ASAP1: variants seen among roughly 807,000 people sequenced by gnomAD.
ASAP1 encodes the protein arf-GAP with SH3 domain, ANK repeat and PH domain-containing protein 1.
A neutral mutation model predicts 145.2 loss-of-function variants in ASAP1; 43 were observed. The observed-to-expected ratio is 0.30, with a 90% CI of 0.23 to 0.38. The LOEUF is 0.38. Among genes scored for constraint, ASAP1 ranks in the 10% least tolerant of loss-of-function variants. ASAP1 has a pLI of 1.00. For synonymous variants in ASAP1, 546 were observed against 515.5 expected, an observed-to-expected ratio of 1.06 and a Z score of -0.80; for missense variants, 1,018 against 1,355.3, an observed-to-expected ratio of 0.75 and a Z score of 3.91.
chr8:130,393,020 C>CTTTCT (rs1554902770), intron 2 of ASAP1, among the ~76,000 whole-genome samples: 4 of 133,560 alleles, frequency 3.0e-5, no homozygotes, highest in Non-Finnish European at 5.0e-5. Context: ...AAAAATAAAC[C>CTTTCT]TTTTTTTTAA....
intron 3 of ASAP1, among the ~76,000 whole-genome samples, chr8:130,285,802 C>T (rs1024939375): frequency 6.6e-6 from 1 of 152,194 alleles, no homozygotes; most frequent in African/African-American, 2.4e-5. Flanking sequence ...GGAAAGTTTT[C>T]CGCCTCTGGT....
chr8:130,085,973 G>C (rs1032070574), intron 25 of ASAP1, among the ~76,000 whole-genome samples: 2 of 152,196 alleles, frequency 1.3e-5, no homozygotes, highest in African/African-American at 4.8e-5. Flanking sequence ...AAAAGCCTGG[G>C]GTGGCCCTCC....
chr8:130,114,663 T>A (rs914977873), intron 23 of ASAP1, among the ~76,000 whole-genome samples: 9 of 152,164 alleles, frequency 5.9e-5, no homozygotes, highest in African/African-American at 2.2e-4. Context: ...TTGATCCCCA[T>A]TGAGTATGCA....
At chr8:130,067,554 C>G (rs1235785667) in intron 27 of ASAP1, among the ~76,000 whole-genome samples, 1 of 152,154 alleles carries the variant, frequency 6.6e-6, no homozygotes, top group Non-Finnish European at 1.5e-5. Flanking sequence ...GACCACCACA[C>G]TCTGCTAATT....
intron 1 of ASAP1, among the ~76,000 whole-genome samples, chr8:130,405,074 G>A (rs1053746169): frequency 1.3e-5 from 2 of 151,910 alleles, no homozygotes; most frequent in Non-Finnish European, 2.9e-5. Context: ...CTGAAATCCT[G>A]AGGTTTTTGC....
chr8:130,302,708 TAAAC>T (rs1190329147), intron 3 of ASAP1, among the ~76,000 whole-genome samples: 1 of 152,142 alleles, frequency 6.6e-6, no homozygotes, highest in Non-Finnish European at 1.5e-5. Context: ...TTAGCTTCAT[TAAAC>T]AAACGGTTCT....
At chr8:130,278,905 G>C (rs954408104) in intron 3 of ASAP1, among the ~76,000 whole-genome samples, 16 of 152,158 alleles carry the variant, frequency 1.1e-4, no homozygotes, top group Admixed American at 7.9e-4. Context: ...AGAGTGTTAG[G>C]CATGTTTACA....
chr8:130,353,187 C>T (rs1183223545), intron 3 of ASAP1, among the ~76,000 whole-genome samples: 1 of 152,202 alleles, frequency 6.6e-6, no homozygotes, highest in African/African-American at 2.4e-5. Flanking sequence ...AGACCACTAG[C>T]TTCTCCATAA....
intron 3 of ASAP1, among the ~76,000 whole-genome samples, chr8:130,337,652 G>A (rs922211046): frequency 6.6e-6 from 1 of 152,164 alleles, no homozygotes. Context: ...AAGTACTAAA[G>A]GCTAGCCAAA....
At chr8:130,302,906 T>C (rs1822766297) in intron 3 of ASAP1, among the ~76,000 whole-genome samples, 1 of 152,214 alleles carries the variant, frequency 6.6e-6, no homozygotes, top group Admixed American at 6.5e-5. Flanking sequence ...TGTCTTCTCC[T>C]TCTTTGCTGT....
chr8:130,214,539 C>T lies in ASAP1; in HGVS notation c.405+17G>A, dbSNP rs964662153. 1 of 1,581,204 alleles carries T rather than the reference C, an allele frequency of 6.3e-7. No homozygotes were observed. Among genetic ancestry groups the T allele is most frequent in the Admixed American group, 1.9e-5 (1 of 51,952 alleles). On this transcript the variant is annotated intron_variant, in intron 5 of 29. Transcript: ENST00000518721. The stretch of plus-strand genomic sequence containing the variant: ...GAAAGGCTGTAATTCTTTTTACTCA[C>T]ATATGAAATGTCTTACCAGATTTTT...
intron 2 of ASAP1, among the ~76,000 whole-genome samples, chr8:130,369,762 T>C (rs1827126128): frequency 6.6e-6 from 1 of 152,190 alleles, no homozygotes; most frequent in South Asian, 2.1e-4. Flanking sequence ...ACCCACCACA[T>C]TGCTGGTAGG....
chr8:130,398,756 G>A (rs1828646441), intron 2 of ASAP1, among the ~76,000 whole-genome samples: 1 of 152,194 alleles, frequency 6.6e-6, no homozygotes, highest in South Asian at 2.1e-4. Flanking sequence ...AGAACAGGAA[G>A]AAGCCGAGGC....
At chr8:130,151,435 G>A (rs1489544371) in intron 13 of ASAP1, among the ~76,000 whole-genome samples, 1 of 124,232 alleles carries the variant, frequency 8.0e-6, no homozygotes, top group Non-Finnish European at 1.7e-5. Context: ...ATGAATAACT[G>A]TTAGACAGCC....
intron 23 of ASAP1, among the ~76,000 whole-genome samples, chr8:130,113,390 A>C (rs997124791): frequency 2.0e-5 from 3 of 152,204 alleles, no homozygotes; most frequent in African/African-American, 7.2e-5. Context: ...CTATCCTTAG[A>C]AACCCATCTC....
At chr8:130,222,535 A>T (rs1230256364) in intron 4 of ASAP1, among the ~76,000 whole-genome samples, 1 of 152,206 alleles carries the variant, frequency 6.6e-6, no homozygotes, top group Non-Finnish European at 1.5e-5. Context: ...CTCCACTGAC[A>T]CACTCAGGAA....
intron 3 of ASAP1, among the ~76,000 whole-genome samples, chr8:130,299,008 A>G (rs1470863979): frequency 1.3e-5 from 2 of 152,178 alleles, no homozygotes; most frequent in Non-Finnish European, 2.9e-5. Flanking sequence ...AACACAAATA[A>G]ACAAACATCC....
At chr8:130,221,600 A>G (rs1195499783) in intron 4 of ASAP1, among the ~76,000 whole-genome samples, 1 of 152,148 alleles carries the variant, frequency 6.6e-6, no homozygotes, top group Non-Finnish European at 1.5e-5. Flanking sequence ...ATGGTATATA[A>G]GCTCCTAGGC....
At chr8:130,437,083 C>T (rs1056484432) in intron 1 of ASAP1, among the ~76,000 whole-genome samples, 5 of 139,384 alleles carry the variant, frequency 3.6e-5, no homozygotes, top group South Asian at 2.2e-4. Context: ...CCAGCCTAGG[C>T]GACAGAGCAA....
Sources: gnomAD v4.1 joint callset for allele counts (sites outside exome capture counted in the v4.1 genomes callset) on GRCh38, gnomAD v4.1.1 for gene constraint, MANE v1.5 for transcripts, NCBI Gene and HGNC (gene_info 2026-07-23, HGNC 2026-07-21) for gene names.